Variants in STK3 observed in about 807,000 individuals in gnomAD.
The protein encoded by STK3 is serine/threonine-protein kinase 3.
In STK3, 41 loss-of-function variants were observed where a neutral mutation model predicts 58.0. The ratio of observed to expected loss-of-function variants is 0.71; its 90% CI spans 0.55 to 0.92. The LOEUF (loss-of-function observed/expected upper bound fraction) is 0.92. STK3 is among the 40% of genes least tolerant of loss of function. The pLI, the probability that STK3 is intolerant of heterozygous loss-of-function variation, is 0.00. For missense variants in STK3, 479 were observed against 602.7 expected (o/e 0.79, Z 2.15); for synonymous variants, 170 against 191.0 (o/e 0.89, Z 0.91).
rs371515753 is a variant in STK3 at position 98,549,070 on chromosome 8, T to A, written c.949-909A>T. The stretch of plus-strand genomic sequence containing the variant: ...CTGTGAATAGTGCTAATGTGAACAC[T>A]GACCTACAAGTATCTGTTTGAATCC... On this transcript the variant is annotated intron_variant, in intron 8 of 10. Coordinates refer to ENST00000419617, the MANE Select transcript of STK3 (RefSeq NM_006281.4). Among the ~76,000 whole-genome samples the A allele has an allele frequency of 7.7e-4, 117 of 152,322 alleles. 3 individuals are homozygous for A. In the East Asian group the frequency reaches 0.016, roughly 20 times the overall value.
chr8:98,578,163 G>A (rs1399872059), intron 8 of STK3, among the ~76,000 whole-genome samples: 1 of 152,100 alleles, frequency 6.6e-6, no homozygotes, highest in Non-Finnish European at 1.5e-5. Flanking sequence ...ACATTAACTG[G>A]AGAGAAATCT....
chr8:98,608,554 A>G lies in STK3; in HGVS notation c.685-12385T>C, dbSNP rs967477769. 6.6e-5 allele frequency among the ~76,000 whole-genome samples: 10 copies of G among 152,344 alleles called. No individual in the cohort carries two copies. The East Asian group carries it at 1.9e-3, about 29-fold the overall frequency. On this transcript the variant is annotated intron_variant, in intron 6 of 10. Coordinates refer to ENST00000419617, the MANE Select transcript of STK3 (RefSeq NM_006281.4). ...TTTTAACACAGATAAAATTTGGTAT[A>G]TAGTTTATTTTTTCTAAGTAACTGT...
At chr8:98,801,592 G>T (rs1833552296) in intron 1 of STK3, among the ~76,000 whole-genome samples, 1 of 151,914 alleles carries the variant, frequency 6.6e-6, no homozygotes. Flanking sequence ...CACCGCAACG[G>T]TCTGTAGCTT....
At chr8:98,662,240 T>A (rs1822020610) in intron 6 of STK3, among the ~76,000 whole-genome samples, 1 of 152,200 alleles carries the variant, frequency 6.6e-6, no homozygotes, top group South Asian at 2.1e-4. Context: ...AATTAATCTT[T>A]ACTTTGTAAT....
At chr8:98,903,786 A>T (rs1235510067) in intron 1 of STK3, among the ~76,000 whole-genome samples, 1 of 151,874 alleles carries the variant, frequency 6.6e-6, no homozygotes, top group Non-Finnish European at 1.5e-5. Flanking sequence ...TTAAGCAAAG[A>T]CCCCAAATCA....
At chr8:98,830,725 C>T (rs1210252900) in intron 3 of STK3, among the ~76,000 whole-genome samples, 1 of 152,036 alleles carries the variant, frequency 6.6e-6, no homozygotes, top group East Asian at 1.9e-4. Flanking sequence ...AATCCCAGCA[C>T]CTTGGGAGGC....
intron 6 of STK3, among the ~76,000 whole-genome samples, chr8:98,681,925 C>A (rs935269290): frequency 6.6e-6 from 1 of 152,208 alleles, no homozygotes; most frequent in African/African-American, 2.4e-5. Context: ...GGCCTACTAG[C>A]AGTGTATTAC....
At chr8:98,731,153 T>A (rs1457281170) in intron 4 of STK3, among the ~76,000 whole-genome samples, 1 of 152,090 alleles carries the variant, frequency 6.6e-6, no homozygotes, top group Non-Finnish European at 1.5e-5. Flanking sequence ...TACAATAAAT[T>A]TGGAAGCATT....
intron 8 of STK3, among the ~76,000 whole-genome samples, chr8:98,550,442 T>C (rs1803794751): frequency 6.6e-6 from 1 of 152,304 alleles, no homozygotes; most frequent in Admixed American, 6.5e-5. Flanking sequence ...TTATTTCATT[T>C]ATCTCTCCAG....
At chr8:98,941,504 G>A (rs891174650) in intron 1 of STK3, among the ~76,000 whole-genome samples, 1 of 152,268 alleles carries the variant, frequency 6.6e-6, no homozygotes, top group Non-Finnish European at 1.5e-5. Context: ...CCTGGAAAAA[G>A]ATAAGGTTTT....
At chr8:98,685,841 A>G (rs1476395158) in intron 6 of STK3, among the ~76,000 whole-genome samples, 1 of 152,162 alleles carries the variant, frequency 6.6e-6, no homozygotes, top group African/African-American at 2.4e-5. Flanking sequence ...CAGGAAACAA[A>G]AAAATGAAAA....
intron 3 of STK3, among the ~76,000 whole-genome samples, chr8:98,860,239 A>G (rs758318809): frequency 6.6e-6 from 1 of 152,234 alleles, no homozygotes; most frequent in African/African-American, 2.4e-5. Flanking sequence ...GATAAGTGCT[A>G]TGAAGAAAAC....
At chr8:98,372,493 G>A (rs1259872393) in intron 2 of STK3, among the ~76,000 whole-genome samples, 1 of 151,806 alleles carries the variant, frequency 6.6e-6, no homozygotes, top group Non-Finnish European at 1.5e-5. Flanking sequence ...GGGGTTTTTT[G>A]TTGTTATTTT....
chr8:98,503,138 C>T (rs1823759912), intron 10 of STK3, among the ~76,000 whole-genome samples: 1 of 151,900 alleles, frequency 6.6e-6, no homozygotes, highest in Non-Finnish European at 1.5e-5. Context: ...GTCTTGGGAG[C>T]ATGTATGTGT....
chr8:98,531,068 T>C (rs1274849629), intron 9 of STK3, among the ~76,000 whole-genome samples: 1 of 152,234 alleles, frequency 6.6e-6, no homozygotes, highest in East Asian at 1.9e-4. Flanking sequence ...TGGAATGGAC[T>C]TCTTCCAACC....
At chr8:98,579,917 T>C (rs1813727298) in intron 7 of STK3, 128 bp from the exon 8 acceptor site, 35 of 871,198 alleles carry the variant, frequency 4.0e-5, no homozygotes, top group Non-Finnish European at 5.7e-5. Flanking sequence ...CATCTAGAAT[T>C]AAATGTATAG....
intron 6 of STK3, among the ~76,000 whole-genome samples, chr8:98,620,628 G>C (rs928414162): frequency 6.7e-6 from 1 of 149,902 alleles, no homozygotes; most frequent in Non-Finnish European, 1.5e-5. Flanking sequence ...GCTACTTGAA[G>C]AGCCTAGACA....
intron 1 of STK3, among the ~76,000 whole-genome samples, chr8:98,912,034 G>A (rs1204626455): frequency 1.3e-5 from 2 of 152,150 alleles, no homozygotes; most frequent in Non-Finnish European, 2.9e-5. Context: ...CCTCACCTGA[G>A]TTTAAGACCA....
intron 1 of STK3, among the ~76,000 whole-genome samples, chr8:98,440,101 G>C (rs1198814716): frequency 2.0e-5 from 3 of 152,152 alleles, no homozygotes; most frequent in African/African-American, 7.2e-5. Flanking sequence ...TGCTCCAGCG[G>C]GCCAGTCTAG....
Sources: gnomAD v4.1 joint callset for allele counts (sites outside exome capture counted in the v4.1 genomes callset) on GRCh38, gnomAD v4.1.1 for gene constraint, MANE v1.5 for transcripts, NCBI Gene and HGNC (gene_info 2026-07-23, HGNC 2026-07-21) for gene names.